Variants in GSE1 observed in about 807,000 individuals in gnomAD.
GSE1 encodes Gse1 coiled-coil protein.
In GSE1, 32 loss-of-function variants were observed where a neutral mutation model predicts 112.6. The ratio of observed to expected loss-of-function variants is 0.28; its 90% CI spans 0.21 to 0.38. The LOEUF is 0.38. GSE1 is among the 10% of genes least tolerant of loss of function. GSE1 has a pLI of 1.00. For synonymous variants in GSE1, 1,115 were observed against 735.6 expected, an observed-to-expected ratio of 1.52 and a Z score of -8.35; for missense variants, 2,348 against 1,699.2, an observed-to-expected ratio of 1.38 and a Z score of -6.71.
At chr16:85,652,819 T>C (rs1214168245) in intron 3 of GSE1, among the ~76,000 whole-genome samples, 2 of 152,094 alleles carry the variant, frequency 1.3e-5, no homozygotes, top group African/African-American at 4.8e-5. Flanking sequence ...GCTGATCTTG[T>C]GGGGAGACGG....
At chr16:85,655,613 C>A in intron 5 of GSE1, 113 bp from the exon 6 acceptor site, 1 of 656,444 alleles carries the variant, frequency 1.5e-6, no homozygotes, top group Non-Finnish European at 2.6e-6. Context: ...GCCATTTTGT[C>A]ACGTTCCCCA....
At chr16:85,402,569 T>G (rs1353216640) in intron 2 of GSE1, among the ~76,000 whole-genome samples, 2 of 152,124 alleles carry the variant, frequency 1.3e-5, no homozygotes, top group Admixed American at 6.5e-5. Context: ...GGCGGCACTT[T>G]GAAGAGAGCT....
chr16:85,600,925 C>A (rs2047436018), intron 1 of GSE1, among the ~76,000 whole-genome samples: 1 of 152,146 alleles, frequency 6.6e-6, no homozygotes, highest in Admixed American at 6.5e-5. Context: ...TCCAACGGCT[C>A]AGCTCAGTGA....
chr16:85,587,343 C>T (rs139708095), intron 1 of GSE1, among the ~76,000 whole-genome samples: 1 of 152,318 alleles, frequency 6.6e-6, no homozygotes, highest in East Asian at 1.9e-4. Flanking sequence ...TTGCTATTAG[C>T]CAGTGTTAAT....
intron 1 of GSE1, among the ~76,000 whole-genome samples, chr16:85,356,855 C>T (rs1045446653): frequency 6.6e-6 from 1 of 152,198 alleles, no homozygotes; most frequent in East Asian, 1.9e-4. Context: ...AGGGGCCTGC[C>T]TGCTGCTCCC....
At chr16:85,322,155 C>G (rs138302126) in intron 1 of GSE1, among the ~76,000 whole-genome samples, 196 of 152,366 alleles carry the variant, frequency 1.3e-3, no homozygotes, top group South Asian at 6.0e-3. Flanking sequence ...AGTGTTGTTT[C>G]CAAGTTCAAC....
At chr16:85,392,266 C>T (rs1410295589) in intron 2 of GSE1, among the ~76,000 whole-genome samples, 1 of 152,244 alleles carries the variant, frequency 6.6e-6, no homozygotes, top group Non-Finnish European at 1.5e-5. Context: ...GCAGGCCTGG[C>T]AGAGAGCGTC....
chr16:85,273,946 C>A (rs1909104912), intron 1 of GSE1, among the ~76,000 whole-genome samples: 1 of 151,152 alleles, frequency 6.6e-6, no homozygotes, highest in Non-Finnish European at 1.5e-5. Context: ...ATCCACCCAC[C>A]TCGGCCTCCC....
At chr16:85,367,844 CTTTTTTT>C (rs5818532) in intron 2 of GSE1, among the ~76,000 whole-genome samples, 1 of 115,036 alleles carries the variant, frequency 8.7e-6, no homozygotes, top group African/African-American at 3.4e-5. Context: ...AAATAAGATT[CTTTTTTT>C]TTTTTTTTTT....
intron 1 of GSE1, among the ~76,000 whole-genome samples, chr16:85,172,535 G>T (rs2074378507): frequency 6.6e-6 from 1 of 152,228 alleles, no homozygotes. Context: ...ACGGGGCTCA[G>T]TTAATTTGGG....
At chr16:85,267,079 A>G (rs922165099) in intron 1 of GSE1, among the ~76,000 whole-genome samples, 1 of 152,130 alleles carries the variant, frequency 6.6e-6, no homozygotes, top group Non-Finnish European at 1.5e-5. Flanking sequence ...CCGCTCAGCT[A>G]ATTATGTGGA....
rs1036503252 is a variant in GSE1 at position 85,559,418 on chromosome 16, T to G, written c.37+3055T>G. The stretch of plus-strand genomic sequence containing the variant: ...ATGGCTTGCTTCGGGCCTGTGGTTC[T>G]GGATGAGAGGCTGACCCTGCCCCAC... On this transcript the variant is annotated intron_variant, in intron 1 of 2. Transcript: ENST00000635906. Among the ~76,000 whole-genome samples, 4 of 152,224 alleles carry G rather than the reference T, an allele frequency of 2.6e-5. No individual in the cohort carries two copies. The South Asian group carries it at 8.3e-4, about 31-fold the overall frequency.
intron 2 of GSE1, among the ~76,000 whole-genome samples, chr16:85,638,180 A>G (rs1346839709): frequency 1.3e-5 from 2 of 151,894 alleles, no homozygotes; most frequent in Non-Finnish European, 2.9e-5. Flanking sequence ...CTCTCCTCTC[A>G]TTGTGTCTCA....
At chr16:85,350,250 G>A (rs953544107) in intron 1 of GSE1, among the ~76,000 whole-genome samples, 2 of 152,174 alleles carry the variant, frequency 1.3e-5, no homozygotes, top group Non-Finnish European at 2.9e-5. Flanking sequence ...TCCTAGTCAC[G>A]CCAGCAGGTG....
rs35279881 is a variant in GSE1, at chr16:85,456,579, CGTGTGTGTGTGTGTGTGTGTGT to C, written c.2464+98976_2464+98997del. On this transcript the variant is annotated intron_variant, in intron 2 of 2. Coordinates refer to the GSE1 transcript ENST00000637419. ...AGGGAGGGGAGGGTCATTTTCCTGC[CGTGTGTGTGTGTGTGTGTGTGT>C]GTGTGTGTGTGTGTGTGTGTGTGTG... 1.8e-3 allele frequency among the ~76,000 whole-genome samples: 162 copies of C among 91,556 alleles called. 2 individuals carry two copies. In the South Asian group the frequency reaches 0.036, roughly 20 times the overall value. The allele number at this position is 91,556 out of a possible 152,430, so 60.1% of individuals were successfully genotyped here. A position where few individuals can be genotyped will look rare whatever the true frequency, so the allele number is the denominator to read the frequency against.
At chr16:85,270,085 G>A (rs1908681322) in intron 1 of GSE1, among the ~76,000 whole-genome samples, 1 of 149,224 alleles carries the variant, frequency 6.7e-6, no homozygotes, top group South Asian at 2.1e-4. Context: ...ATGCGGCTAT[G>A]TTACCTTCTG....
At chr16:85,169,782 G>A in exon 1 of GSE1, 3 of 984,226 alleles carry the variant, frequency 3.0e-6, no homozygotes, top group Non-Finnish European at 3.6e-6. Flanking sequence ...GCGTGTTGGT[G>A]TGCGCCGTGT....
chr16:85,591,827 C>G (rs532299193), intron 1 of GSE1, among the ~76,000 whole-genome samples: 6 of 152,242 alleles, frequency 3.9e-5, no homozygotes, highest in African/African-American at 1.4e-4. Context: ...ACAAAAATCC[C>G]GTGTTCCTGG....
At chr16:85,524,065 G>A (rs1195238811) in intron 2 of GSE1, among the ~76,000 whole-genome samples, 3 of 152,208 alleles carry the variant, frequency 2.0e-5, no homozygotes, top group Non-Finnish European at 4.4e-5. Flanking sequence ...GCCAGCTGCT[G>A]CAGCCAGGAG....
Sources: allele counts gnomAD v4.1 joint callset (sites outside exome capture counted in the v4.1 genomes callset), GRCh38; gene constraint gnomAD v4.1.1; transcripts MANE v1.5; gene names NCBI Gene and HGNC (gene_info 2026-07-23, HGNC 2026-07-21).